PLEKHA7: variants seen among roughly 807,000 people sequenced by gnomAD.
The protein encoded by PLEKHA7 is pleckstrin homology domain-containing family A member 7.
PLEKHA7 carries 104 observed loss-of-function variants against 170.0 expected under a neutral mutation model. The ratio of observed to expected loss-of-function variants is 0.61; its 90% confidence interval spans 0.52 to 0.72. PLEKHA7 has a LOEUF of 0.72. Among genes scored for constraint, PLEKHA7 ranks in the 30% least tolerant of loss-of-function variants. PLEKHA7 has a pLI of 0.00. For synonymous variants in PLEKHA7, 648 were observed against 660.8 expected (o/e 0.98, Z 0.30); for missense variants, 1,615 against 1,671.7 (o/e 0.97, Z 0.59).
Position 17,014,214 on chromosome 11 carries a change from A to T in PLEKHA7, c.87-13T>A. 6.5e-7 allele frequency: 1 copy of T among 1,545,886 alleles called. No homozygotes were observed. The highest frequency in any genetic ancestry group is 8.7e-7 in the Non-Finnish European group (1 of 1,151,900). On this transcript the variant is annotated splice_polypyrimidine_tract_variant and intron_variant, in intron 1 of 26. Coordinates refer to ENST00000531066, the MANE Select transcript of PLEKHA7 (RefSeq NM_001329630.2). The stretch of plus-strand genomic sequence containing the variant: ...GCGGAGCTGGTCACTGCGGGCAGAG[A>T]GGTGCACCTGTTAGCGCCGCCACAG...
intron 3 of PLEKHA7, among the ~76,000 whole-genome samples, chr11:16,937,620 T>A (rs937277713): frequency 6.6e-6 from 1 of 152,124 alleles, no homozygotes; most frequent in Admixed American, 6.5e-5. Flanking sequence ...CTTTTCTTTT[T>A]TTTTTTAGAT....
chr11:16,939,584 G>A (rs1017539328), intron 3 of PLEKHA7, among the ~76,000 whole-genome samples: 3 of 152,176 alleles, frequency 2.0e-5, no homozygotes, highest in Admixed American at 1.3e-4. Flanking sequence ...AAAATGCAGA[G>A]GTGAGACAGG....
intron 6 of PLEKHA7, among the ~76,000 whole-genome samples, chr11:16,854,440 T>C (rs1853258359): frequency 6.6e-6 from 1 of 152,116 alleles, no homozygotes; most frequent in South Asian, 2.1e-4. Flanking sequence ...GGTGAGGAGA[T>C]AATGAGCTGA....
At chr11:16,987,206 C>T (rs928329860) in intron 3 of PLEKHA7, among the ~76,000 whole-genome samples, 2 of 152,134 alleles carry the variant, frequency 1.3e-5, no homozygotes, top group African/African-American at 4.8e-5. Flanking sequence ...AAACCTCAGT[C>T]CCCACCAGTG....
chr11:16,989,082 T>G (rs181117012), intron 3 of PLEKHA7, among the ~76,000 whole-genome samples: 28 of 152,318 alleles, frequency 1.8e-4, no homozygotes, highest in Non-Finnish European at 3.2e-4. Context: ...CCATCTGTGA[T>G]CTCCCCAGAG....
At chr11:16,827,125 G>A (rs1850719678) in intron 9 of PLEKHA7, among the ~76,000 whole-genome samples, 2 of 152,174 alleles carry the variant, frequency 1.3e-5, no homozygotes, top group Non-Finnish European at 2.9e-5. Context: ...TTAAATGGAA[G>A]GCTCCTGAGC....
intron 6 of PLEKHA7, among the ~76,000 whole-genome samples, 192 bp from the exon 7 acceptor site, chr11:16,852,547 G>A (rs1165277933): frequency 1.3e-5 from 2 of 152,144 alleles, no homozygotes; most frequent in African/African-American, 4.8e-5. Context: ...TTTATCCTAA[G>A]AAAGCAGGGT....
chr11:16,899,396 C>G (rs1449622241), intron 3 of PLEKHA7, among the ~76,000 whole-genome samples: 1 of 152,148 alleles, frequency 6.6e-6, no homozygotes, highest in Non-Finnish European at 1.5e-5. Flanking sequence ...ACTAGGGAGG[C>G]TGAGGAAGGA....
chr11:16,981,636 T>TG (rs1456416512), intron 3 of PLEKHA7, among the ~76,000 whole-genome samples: 1 of 151,760 alleles, frequency 6.6e-6, no homozygotes, highest in Non-Finnish European at 1.5e-5. Context: ...TAGACGGGGT[T>TG]GGGGGGCGGG....
intron 3 of PLEKHA7, among the ~76,000 whole-genome samples, chr11:17,011,517 G>T (rs975269142): frequency 6.6e-6 from 1 of 152,054 alleles, no homozygotes. Context: ...TCTTCACCCC[G>T]TGTTTTATCT....
intron 9 of PLEKHA7, among the ~76,000 whole-genome samples, chr11:16,826,831 G>T (rs1850694790): frequency 6.6e-6 from 1 of 152,100 alleles, no homozygotes; most frequent in South Asian, 2.1e-4. Context: ...ATCTTATGCT[G>T]ACCCCACTGT....
intron 3 of PLEKHA7, among the ~76,000 whole-genome samples, chr11:16,961,417 C>T (rs751305319): frequency 4.6e-5 from 7 of 152,252 alleles, no homozygotes; most frequent in Non-Finnish European, 1.0e-4. Flanking sequence ...GCCCTGGCCT[C>T]TCAAAGGCTA....
intron 21 of PLEKHA7, 41 bp downstream of exon 21, chr11:16,790,757 G>A: frequency 1.3e-6 from 2 of 1,579,062 alleles, no homozygotes; most frequent in Non-Finnish European, 1.7e-6. Flanking sequence ...AAGCAGTGTG[G>A]TGGGATTCCC....
intron 3 of PLEKHA7, among the ~76,000 whole-genome samples, chr11:16,980,965 TA>T (rs1863391875): frequency 6.6e-6 from 1 of 152,144 alleles, no homozygotes; most frequent in South Asian, 2.1e-4. Flanking sequence ...GGAGCTAATC[TA>T]AAAGAACACC....
At position 16,990,148 on chromosome 11, in the gene PLEKHA7, C is replaced by T. The variant is rs11024105; in HGVS notation, c.221+23841G>A. 9.2e-3 allele frequency among the ~76,000 whole-genome samples: 1,401 copies of T among 151,486 alleles called. 7 individuals carry two copies. The highest frequency in any genetic ancestry group is 0.016 in the Non-Finnish European group (1,078 of 67,898). The stretch of plus-strand genomic sequence containing the variant: ...AGAGTTCCTCAGCTCTCTGGGGCTT[C>T]ATTTAAAACATTCTCTCAAAAAAAT... On this transcript the variant is annotated intron_variant, in intron 3 of 26. Transcript: ENST00000531066.
intron 3 of PLEKHA7, among the ~76,000 whole-genome samples, chr11:16,896,565 C>T (rs1213367771): frequency 6.6e-6 from 1 of 152,198 alleles, no homozygotes; most frequent in East Asian, 1.9e-4. Flanking sequence ...AGTAGAATGG[C>T]TGCAACAGTC....
chr11:16,841,685 C>T lies in PLEKHA7; in HGVS notation c.734G>A (p.Ser245Asn). 4.3e-6 allele frequency: 7 copies of T among 1,614,148 alleles called. No homozygotes were observed. Among genetic ancestry groups the T allele is most frequent in the Non-Finnish European group, 5.9e-6 (7 of 1,180,032 alleles). Residue 245 changes from serine (S) to asparagine (N), a missense_variant, in exon 9 of 27, where the codon AGC becomes AAC. Transcript: ENST00000531066. The part of the protein sequence containing the change: ...HTGMRALIYN[S>N]STAGSQAEQS... ...CTCGGCCTGAGAGCCCGCTGTGGAG[C>T]TGTTATAGATGAGCGCTCGCATCCC...
In PLEKHA7 at chr11:16,817,494, A is replaced by C; in HGVS notation, c.1344-172T>G. ...CTTCAGTCACTTCCCCTTTTGGCAG[A>C]CGACTCCAAAACCATTTTTCTCTGT... On this transcript the variant is annotated intron_variant, in intron 10 of 26. Transcript: ENST00000531066. The surrounding 1 kb of genome is among the most constrained non-coding windows in gnomAD (Gnocchi z 4.4). 1.6e-6 allele frequency: 1 copy of C among 616,270 alleles called. No homozygotes were observed. The allele number at this position is 616,270 out of a possible 1,614,324, so 38.2% of individuals were successfully genotyped here.
chr11:16,803,533 G>T, intron 13 of PLEKHA7: 1 of 507,976 alleles, frequency 2.0e-6, no homozygotes, highest in South Asian at 2.7e-5. Flanking sequence ...TTGAGTTAAA[G>T]AAAATGTAGA....
Sources: allele counts gnomAD v4.1 joint callset (sites outside exome capture counted in the v4.1 genomes callset), GRCh38; gene constraint gnomAD v4.1.1; non-coding constraint Gnocchi (gnomAD v3.1); transcripts MANE v1.5; gene names NCBI Gene and HGNC (gene_info 2026-07-23, HGNC 2026-07-21).